Variants in RRAS2 observed in about 807,000 individuals in gnomAD.
The protein encoded by RRAS2 is RAS related 2, also known as ras-related protein R-Ras2.
RRAS2 carries 7 observed loss-of-function variants against 27.6 expected under a neutral mutation model. That is an observed-to-expected ratio of 0.25 (90% CI 0.14 to 0.48). The LOEUF (loss-of-function observed/expected upper bound fraction) is 0.48. Among genes scored for constraint, RRAS2 ranks in the 20% least tolerant of loss-of-function variants. The probability of loss-of-function intolerance (pLI) is 0.99; values close to 1 mark genes in which losing one functional copy is unlikely to be tolerated. For missense variants in RRAS2, 178 were observed against 256.2 expected, an observed-to-expected ratio of 0.69 and a Z score of 2.08; for synonymous variants, 86 against 90.9, an observed-to-expected ratio of 0.95 and a Z score of 0.31.
chr11:14,285,953 G>A (rs984870007), intron 4 of RRAS2, among the ~76,000 whole-genome samples: 2 of 151,804 alleles, frequency 1.3e-5, no homozygotes, highest in African/African-American at 4.8e-5. Context: ...CGGGTTTGTT[G>A]AGCTTCTTGG....
intron 4 of RRAS2, 82 bp from the exon 5 acceptor site, chr11:14,281,802 A>G: frequency 8.0e-7 from 1 of 1,249,832 alleles, no homozygotes; most frequent in Non-Finnish European, 1.1e-6. Context: ...GATTGTGCTA[A>G]TAATTCAGCC....
At chr11:14,335,046 T>C (rs1848563101) in intron 1 of RRAS2, among the ~76,000 whole-genome samples, 1 of 152,194 alleles carries the variant, frequency 6.6e-6, no homozygotes, top group South Asian at 2.1e-4. Context: ...ATTTTCACCA[T>C]CAGATTATTT....
intron 1 of RRAS2, among the ~76,000 whole-genome samples, chr11:14,346,825 G>A (rs569181411): frequency 9.2e-5 from 14 of 152,132 alleles, no homozygotes; most frequent in Middle Eastern, 3.4e-3. Context: ...ACACCCTGTT[G>A]TACATAATAA....
At chr11:14,309,763 G>A (rs1847916830) in intron 1 of RRAS2, among the ~76,000 whole-genome samples, 1 of 152,036 alleles carries the variant, frequency 6.6e-6, no homozygotes, top group Non-Finnish European at 1.5e-5. Context: ...AAACATGAGA[G>A]AGTGGTTAAT....
At chr11:14,290,585 T>C (rs1554945693) in intron 4 of RRAS2, among the ~76,000 whole-genome samples, 1 of 152,164 alleles carries the variant, frequency 6.6e-6, no homozygotes, top group Non-Finnish European at 1.5e-5. Flanking sequence ...CAAGACACTT[T>C]AGAGAGACAC....
At chr11:14,360,169 T>C (rs148711306), upstream of RRAS2, among the ~76,000 whole-genome samples, 2,157 of 151,118 alleles carry the variant, frequency 0.014, 50 homozygotes, top group African/African-American at 0.049. Context: ...CGAAGTCTGA[T>C]TGATGGCCAG....
chr11:14,285,006 T>G (rs1012482868), intron 4 of RRAS2, among the ~76,000 whole-genome samples: 13 of 152,228 alleles, frequency 8.5e-5, no homozygotes, highest in African/African-American at 3.1e-4. Flanking sequence ...AATGTGCTCA[T>G]GGATACAGTT....
rs370730897 is a variant in RRAS2 at position 14,352,756 on chromosome 11, T to TAG, written c.108+6005_108+6006dup. 1.5e-3 allele frequency among the ~76,000 whole-genome samples: 198 copies of TAG among 128,746 alleles called. 1 individual carries two copies. The highest frequency in any genetic ancestry group is 3.1e-3 in the Admixed American group (38 of 12,406). 84.5% of individuals were successfully genotyped at this position (128,746 alleles called of 152,430 possible). ...AAGAAACTTTTAAAATATATATATA[T>TAG]AGAGAGAGAGAGAGAGAGAGAGAGG... On this transcript the variant is annotated intron_variant, in intron 1 of 5. Coordinates refer to ENST00000256196, the MANE Select transcript of RRAS2 (RefSeq NM_012250.6).
At chr11:14,309,174 T>C (rs1336102410) in intron 1 of RRAS2, among the ~76,000 whole-genome samples, 4 of 152,214 alleles carry the variant, frequency 2.6e-5, no homozygotes, top group African/African-American at 9.6e-5. Flanking sequence ...CTCTATCCCG[T>C]TACCTACCAA....
Position 14,359,129 on chromosome 11 carries a change from C to A in RRAS2, c.-259G>T, listed in dbSNP as rs547710633. On this transcript the variant is annotated 5_prime_UTR_variant, in exon 1 of 6. Coordinates refer to ENST00000256196, the MANE Select transcript of RRAS2 (RefSeq NM_012250.6). ...CGGCCGGGGGGCGCGCTCCTCTACG[C>A]GTCTCCGCAGCGCCTGCCGAACGCA... The A allele has an allele frequency of 8.3e-5, 86 of 1,037,170 alleles. No homozygotes were observed. The African/African-American group carries it at 1.3e-3, about 16-fold the overall frequency. The allele number at this position is 1,037,170 out of a possible 1,614,324, so 64.2% of individuals were successfully genotyped here.
At chr11:14,348,429 AT>A (rs1848883410) in intron 1 of RRAS2, among the ~76,000 whole-genome samples, 1 of 152,188 alleles carries the variant, frequency 6.6e-6, no homozygotes, top group African/African-American at 2.4e-5. Context: ...AGATCCATTT[AT>A]GGTTCTTACT....
In RRAS2 at chr11:14,358,872, G is replaced by C; in HGVS notation, c.-2C>G. On this transcript the variant is annotated 5_prime_UTR_variant, in exon 1 of 6. Transcript: ENST00000256196. This position sits in a 1 kb window ranked among gnomAD's most constrained non-coding sequence, Gnocchi z 5.1. ...GTCCCGCCAGCCGGCCGCGGCCATG[G>C]GGACGCTACAGAGCCCAGCCTGACT... 1.4e-6 allele frequency: 2 copies of C among 1,459,212 alleles called. No individual in the cohort carries two copies. The highest frequency in any genetic ancestry group is 1.8e-6 in the Non-Finnish European group (2 of 1,097,648). The allele number at this position is 1,459,212 out of a possible 1,614,324, so 90.4% of individuals were successfully genotyped here.
At chr11:14,299,768 G>A (rs1847648396) in intron 1 of RRAS2, among the ~76,000 whole-genome samples, 1 of 152,138 alleles carries the variant, frequency 6.6e-6, no homozygotes, top group South Asian at 2.1e-4. Flanking sequence ...AGTAGTTGAG[G>A]TATTACTGGG....
intron 4 of RRAS2, among the ~76,000 whole-genome samples, chr11:14,292,737 C>T (rs1037398927): frequency 1.3e-5 from 2 of 151,928 alleles, no homozygotes; most frequent in African/African-American, 2.4e-5. Context: ...CAGATTTGAA[C>T]GAGATTTAGC....
At chr11:14,342,439 T>C (rs1289973863) in intron 1 of RRAS2, among the ~76,000 whole-genome samples, 1 of 152,200 alleles carries the variant, frequency 6.6e-6, no homozygotes, top group East Asian at 1.9e-4. Flanking sequence ...TAAAGGGTTG[T>C]AACTGGTAGA....
intron 1 of RRAS2, among the ~76,000 whole-genome samples, chr11:14,302,851 G>C (rs1451117140): frequency 6.6e-6 from 1 of 152,190 alleles, no homozygotes; most frequent in East Asian, 1.9e-4. Flanking sequence ...AAGTCAAATA[G>C]ACCCGGACAC....
intron 4 of RRAS2, among the ~76,000 whole-genome samples, chr11:14,284,693 G>C (rs781804827): frequency 1.3e-5 from 2 of 152,074 alleles, no homozygotes; most frequent in Admixed American, 6.5e-5. Context: ...GAATGTTTGG[G>C]ACTGTTATGT....
At chr11:14,293,571 T>A (rs1309236685) in intron 4 of RRAS2, among the ~76,000 whole-genome samples, 3 of 152,108 alleles carry the variant, frequency 2.0e-5, no homozygotes, top group Non-Finnish European at 4.4e-5. Flanking sequence ...CCCCATCCTG[T>A]TCTCGGAGAT....
chr11:14,277,920 T>C (rs1554943712), downstream of RRAS2: 1 of 152,216 alleles, frequency 6.6e-6, no homozygotes, highest in Admixed American at 6.5e-5. Flanking sequence ...TCAAACATCA[T>C]CTTGTGATAA....
Sources: gnomAD v4.1 joint callset for allele counts (sites outside exome capture counted in the v4.1 genomes callset) on GRCh38, gnomAD v4.1.1 for gene constraint, Gnocchi (gnomAD v3.1) non-coding constraint, MANE v1.5 for transcripts, NCBI Gene and HGNC (gene_info 2026-07-23, HGNC 2026-07-21) for gene names.